Variants in COL12A1 observed in about 807,000 individuals in gnomAD.
The protein encoded by COL12A1 is collagen alpha-1(XII) chain.
A neutral mutation model predicts 349.7 loss-of-function variants in COL12A1; 114 were observed. The ratio of observed to expected loss-of-function variants is 0.33; its 90% confidence interval spans 0.28 to 0.38. The LOEUF (loss-of-function observed/expected upper bound fraction) is 0.38. Among genes scored for constraint, COL12A1 ranks in the 10% least tolerant of loss-of-function variants. The pLI is 1.00. For missense variants in COL12A1, 3,284 were observed against 3,756.9 expected, an observed-to-expected ratio of 0.87 and a Z score of 3.29; for synonymous variants, 1,369 against 1,329.0, an observed-to-expected ratio of 1.03 and a Z score of -0.66.
At chr6:75,129,993 A>T (rs1405236386) in intron 37 of COL12A1, 98 bp downstream of exon 37, 5 of 1,361,726 alleles carry the variant, frequency 3.7e-6, no homozygotes, top group Middle Eastern at 2.3e-4. Flanking sequence ...ACTATCAAGG[A>T]CTCAACCGTA....
intron 60 of COL12A1, among the ~76,000 whole-genome samples, chr6:75,094,440 T>G (rs1767912676): frequency 6.6e-6 from 1 of 152,180 alleles, no homozygotes; most frequent in Non-Finnish European, 1.5e-5. Flanking sequence ...AGCCCAACAC[T>G]CATTACAAAT....
chr6:75,127,202 A>G (rs1766063611), intron 38 of COL12A1, among the ~76,000 whole-genome samples: 1 of 152,182 alleles, frequency 6.6e-6, no homozygotes, highest in Admixed American at 6.6e-5. Context: ...CATTTTCCCC[A>G]GGAAAGTCCC....
At chr6:75,114,176 T>C (rs1422365327) in intron 49 of COL12A1, among the ~76,000 whole-genome samples, 1 of 151,920 alleles carries the variant, frequency 6.6e-6, no homozygotes, top group African/African-American at 2.4e-5. Context: ...ATACTTAATT[T>C]CCAATGTCAG....
intron 13 of COL12A1, among the ~76,000 whole-genome samples, chr6:75,167,956 T>C (rs1562263848): frequency 6.6e-6 from 1 of 152,216 alleles, no homozygotes. Context: ...ATGACAACAC[T>C]ATTTTGAGTG....
intron 51 of COL12A1, among the ~76,000 whole-genome samples, chr6:75,112,508 C>T (rs549208747): frequency 1.2e-4 from 18 of 151,112 alleles, no homozygotes; most frequent in South Asian, 2.1e-4. Context: ...CCTTTAGAAA[C>T]CTGAAAAAAA....
intron 26 of COL12A1, 33 bp downstream of exon 26, chr6:75,143,219 A>T: frequency 6.2e-6 from 10 of 1,610,994 alleles, no homozygotes; most frequent in Non-Finnish European, 8.5e-6. Context: ...AGGAAAACAA[A>T]TATTTTCATA....
intron 2 of COL12A1, among the ~76,000 whole-genome samples, chr6:75,199,259 G>T (rs1418282438): frequency 1.3e-5 from 2 of 152,148 alleles, no homozygotes; most frequent in Non-Finnish European, 2.9e-5. Context: ...TTGACCAAGT[G>T]ATTCAGCCTC....
Position 75,121,423 on chromosome 6 carries a change from G to T in COL12A1, c.6965C>A (p.Ala2322Glu), listed in dbSNP as rs980016375. 3.8e-6 allele frequency: 6 copies of T among 1,590,964 alleles called. No individual in the cohort carries two copies. The highest frequency in any genetic ancestry group is 5.2e-6 in the Non-Finnish European group (6 of 1,164,106). The stretch of plus-strand genomic sequence containing the variant: ...GGCATCAGTCAAGAACACAATATCT[G>T]CCTTGGCCCCTTTGCATACTGCAAA... ...PARDVCKGAK[A>E]DIVFLTDASW... The change falls in exon 44 of 66, where the codon GCA (alanine) becomes GAA (glutamate). Residue 2322 changes from alanine (A) to glutamate (E), a missense_variant. Ala to Glu is a moderately radical substitution (Grantham distance 107). Around this residue, in one of 2 missense-constraint regions of COL12A1, gnomAD observed 683 missense variants for 932.1 expected, o/e 0.73. Coordinates refer to ENST00000322507, the MANE Select transcript of COL12A1 (RefSeq NM_004370.6).
At chr6:75,141,464 C>A (rs1452042613) in intron 27 of COL12A1, among the ~76,000 whole-genome samples, 1 of 152,160 alleles carries the variant, frequency 6.6e-6, no homozygotes, top group Non-Finnish European at 1.5e-5. Flanking sequence ...GCAGGCTGCC[C>A]GGTATCCCCC....
rs988328216 is a variant in COL12A1, at chr6:75,155,979, T to C, written c.3251-125A>G. The C allele has an allele frequency of 4.8e-6, 5 of 1,033,548 alleles. No homozygotes were observed. In the African/African-American group the frequency reaches 4.9e-5, roughly 10 times the overall value. 64.0% of individuals were successfully genotyped at this position (1,033,548 alleles called of 1,614,324 possible). A position where few individuals can be genotyped will look rare whatever the true frequency, so the allele number is the denominator to read the frequency against. ...TTAAGTCCGGTAGCACAAAATAGCA[T>C]GTTCCATAGAAGTCCAGATAACAGA... On this transcript the variant is annotated intron_variant, in intron 15 of 65. Coordinates refer to ENST00000322507, the MANE Select transcript of COL12A1 (RefSeq NM_004370.6).
chr6:75,191,808 A>G (rs759797387), intron 4 of COL12A1, 48 bp from the exon 5 acceptor site: 5 of 1,265,164 alleles, frequency 4.0e-6, no homozygotes, highest in Non-Finnish European at 5.5e-6. Flanking sequence ...CCAAGCAGAT[A>G]TTCTCTTTAA....
In COL12A1 at chr6:75,084,543, T is replaced by C. The variant is rs1184731556; in HGVS notation, c.*2004A>G. 6.5e-6 allele frequency: 1 copy of C among 152,678 alleles called. No individual in the cohort carries two copies. Among genetic ancestry groups the C allele is most frequent in the Non-Finnish European group, 1.5e-5 (1 of 68,042 alleles). 9.5% of individuals were successfully genotyped at this position (152,678 alleles called of 1,614,324 possible). ...CAACACAAACATGCAATTCCCTCTCTGCAGAATAATCTGCAATTTGGTATA... is the reference window on the plus strand; with the variant it reads ...CAACACAAACATGCAATTCCCTCTCCGCAGAATAATCTGCAATTTGGTATA... On this transcript the variant is annotated 3_prime_UTR_variant, in exon 66 of 66. Transcript: ENST00000322507.
Position 75,137,455 on chromosome 6 carries a change from C to G in COL12A1, c.5376G>C (p.Gly1792=), listed in dbSNP as rs751658468. ...AAATTACCGTTTGCTCATTGCCTTCCCCTGTGGAAGGCTGATAAGTGATCC... is the reference window on the plus strand; with the variant it reads ...AAATTACCGTTTGCTCATTGCCTTCGCCTGTGGAAGGCTGATAAGTGATCC... The part of the protein sequence containing the change: ...KYRITYQPST[G]EGNEQTTTIG... Residue 1792 remains glycine, a synonymous_variant, in exon 31 of 66, where the codon GGG becomes GGC. Transcript: ENST00000322507. 6 of 1,604,468 alleles carry G rather than the reference C, an allele frequency of 3.7e-6. No individual in the cohort carries two copies. Among genetic ancestry groups the G allele is most frequent in the Non-Finnish European group, 5.1e-6 (6 of 1,176,964 alleles).
At chr6:75,150,356 T>A (rs762123679) in intron 21 of COL12A1, among the ~76,000 whole-genome samples, 2 of 152,200 alleles carry the variant, frequency 1.3e-5, no homozygotes. Flanking sequence ...TTCAATATCC[T>A]AATTCCTTAG....
intron 39 of COL12A1, among the ~76,000 whole-genome samples, chr6:75,125,674 T>C (rs1421704375): frequency 6.6e-6 from 1 of 152,136 alleles, no homozygotes; most frequent in Non-Finnish European, 1.5e-5. Flanking sequence ...CCACATACTT[T>C]GGCTGCTAAA....
At chr6:75,175,955 C>A (rs1768917620) in intron 12 of COL12A1, among the ~76,000 whole-genome samples, 1 of 152,166 alleles carries the variant, frequency 6.6e-6, no homozygotes, top group Non-Finnish European at 1.5e-5. Flanking sequence ...AGGAATCCAG[C>A]CCTATGTCAC....
At chr6:75,119,581 T>A in intron 44 of COL12A1, 108 bp from the exon 45 acceptor site, 4 of 1,268,814 alleles carry the variant, frequency 3.2e-6, no homozygotes, top group South Asian at 1.6e-5. Flanking sequence ...GTAAAAAGTA[T>A]CTCAGACCTG....
chr6:75,156,195 C>G lies in COL12A1; in HGVS notation c.3250+62G>C, dbSNP rs1312519127. The G allele has an allele frequency of 1.9e-6, 3 of 1,577,396 alleles. No homozygotes were observed. The African/African-American group carries it at 4.1e-5, about 21-fold the overall frequency. On this transcript the variant is annotated intron_variant, in intron 15 of 65. Coordinates refer to ENST00000322507, the MANE Select transcript of COL12A1 (RefSeq NM_004370.6). ...AACATTTACAAATGAAGTAGACATA[C>G]CAAAGTCATCTTTTAAAACATTACC...
chr6:75,192,808 C>A (rs1770012064), intron 3 of COL12A1, among the ~76,000 whole-genome samples: 2 of 152,082 alleles, frequency 1.3e-5, no homozygotes, highest in Non-Finnish European at 2.9e-5. Flanking sequence ...TTAAGACCAA[C>A]CCCTAGTGGG....
Sources: allele counts gnomAD v4.1 joint callset (sites outside exome capture counted in the v4.1 genomes callset), GRCh38; gene constraint gnomAD v4.1.1; regional missense constraint gnomAD v4.1.1; transcripts MANE v1.5; gene names NCBI Gene and HGNC (gene_info 2026-07-23, HGNC 2026-07-21).